NFAT5: variants seen among roughly 807,000 people sequenced by gnomAD.
NFAT5 encodes nuclear factor of activated T-cells 5.
A neutral mutation model predicts 166.5 loss-of-function variants in NFAT5; 31 were observed. The ratio of observed to expected loss-of-function variants is 0.19; its 90% CI spans 0.14 to 0.25. The LOEUF (loss-of-function observed/expected upper bound fraction) is 0.25. Among genes scored for constraint, NFAT5 ranks in the 10% least tolerant of loss-of-function variants. NFAT5 has a pLI of 1.00. For missense variants in NFAT5, 1,449 were observed against 1,821.8 expected, an observed-to-expected ratio of 0.80 and a Z score of 3.72; for synonymous variants, 612 against 639.7, an observed-to-expected ratio of 0.96 and a Z score of 0.65.
chr16:69,595,575 G>C (rs1322420258), intron 2 of NFAT5, among the ~76,000 whole-genome samples: 1 of 152,172 alleles, frequency 6.6e-6, no homozygotes, highest in Non-Finnish European at 1.5e-5. Context: ...AACTTTTGCT[G>C]TTTGAGGTGT....
intron 7 of NFAT5, among the ~76,000 whole-genome samples, chr16:69,663,840 G>T (rs1318932553): frequency 6.6e-6 from 1 of 152,054 alleles, no homozygotes; most frequent in Non-Finnish European, 1.5e-5. Flanking sequence ...TGGCACCACT[G>T]CACTCCAGCC....
intron 7 of NFAT5, 103 bp downstream of exon 7, chr16:69,660,002 T>C (rs2036054271): frequency 1.0e-6 from 1 of 1,002,178 alleles, no homozygotes; most frequent in Non-Finnish European, 1.4e-6. Context: ...TGCTCCGGCT[T>C]GTGATCATGC....
rs1196278582 is a variant in NFAT5 at position 69,566,705 on chromosome 16, C to G, written c.73+331C>G. Among the ~76,000 whole-genome samples the G allele has an allele frequency of 6.6e-6, 1 of 152,086 alleles. No homozygotes were observed. Among genetic ancestry groups the G allele is most frequent in the South Asian group, 2.1e-4 (1 of 4,828 alleles). On this transcript the variant is annotated intron_variant, in intron 1 of 14. Coordinates refer to ENST00000349945, the MANE Select transcript of NFAT5 (RefSeq NM_138713.4). This position sits in a 1 kb window ranked among gnomAD's most constrained non-coding sequence, Gnocchi z 5.7. ...CCGCGAGCCGCCGGCCCCGGCCTCCCGGGCTCGGGGATGGCCCCAGACTGG... is the reference window on the plus strand; with the variant it reads ...CCGCGAGCCGCCGGCCCCGGCCTCCGGGGCTCGGGGATGGCCCCAGACTGG...
intron 1 of NFAT5, 149 bp from the exon 2 acceptor site, chr16:69,568,346 A>ATTTGTGTGTG: frequency 5.8e-6 from 1 of 172,500 alleles, no homozygotes; most frequent in Non-Finnish European, 1.1e-5. Flanking sequence ...ATATATATAT[A>ATTTGTGTGTG]TGTGTGTGTG....
At position 69,573,387 on chromosome 16, in the gene NFAT5, T is replaced by A. The variant is rs1030137937; in HGVS notation, c.127+4839T>A. Among the ~76,000 whole-genome samples, 11 of 152,304 alleles carry A rather than the reference T, an allele frequency of 7.2e-5. 1 individual carries two copies. The highest frequency in any genetic ancestry group is 2.6e-4 in the African/African-American group (11 of 41,570). Reference sequence around the variant, plus strand: ...ATTTCTTCCTAGGGCCCTTGTTATATCATAGATCATAAATGCCTATAATAT... The same window carrying A: ...ATTTCTTCCTAGGGCCCTTGTTATAACATAGATCATAAATGCCTATAATAT... On this transcript the variant is annotated intron_variant, in intron 2 of 14. Coordinates refer to ENST00000349945, the MANE Select transcript of NFAT5 (RefSeq NM_138713.4).
At position 69,614,753 on chromosome 16, in the gene NFAT5, A is replaced by G. The variant is rs182369757; in HGVS notation, c.128-11650A>G. ...TTGGGTTTTGCAAATTGTCCCAGTA[A>G]TTTCCTGTATAGCAAAAGGATCCAG... On this transcript the variant is annotated intron_variant, in intron 2 of 14. Coordinates refer to ENST00000349945, the MANE Select transcript of NFAT5 (RefSeq NM_138713.4). Among the ~76,000 whole-genome samples the G allele has an allele frequency of 2.2e-3, 338 of 152,202 alleles. 2 individuals carry two copies. Among genetic ancestry groups the G allele is most frequent in the South Asian group, 5.8e-3 (28 of 4,826 alleles).
chr16:69,631,468 CT>C (rs1289222512), intron 3 of NFAT5, among the ~76,000 whole-genome samples: 7 of 151,946 alleles, frequency 4.6e-5, no homozygotes, highest in Admixed American at 4.6e-4. Context: ...ATGAATTAAA[CT>C]ATAGGTTTTA....
chr16:69,598,403 G>C (rs1016070675), intron 2 of NFAT5, among the ~76,000 whole-genome samples: 1 of 139,656 alleles, frequency 7.2e-6, no homozygotes, highest in African/African-American at 2.7e-5. Flanking sequence ...AAAAAAAAAA[G>C]ATATTTGGGA....
At chr16:69,588,963 C>G (rs185778188) in intron 2 of NFAT5, among the ~76,000 whole-genome samples, 316 of 146,324 alleles carry the variant, frequency 2.2e-3, no homozygotes, top group Middle Eastern at 0.015. Flanking sequence ...TGGACCCTCC[C>G]TCCTCTTTTC....
At chr16:69,694,548 C>T (rs773898320) in intron 13 of NFAT5, among the ~76,000 whole-genome samples, 3 of 152,206 alleles carry the variant, frequency 2.0e-5, no homozygotes, top group Non-Finnish European at 2.9e-5. Flanking sequence ...AGCCACCACA[C>T]CTGTCCTGTA....
chr16:69,626,306 C>T, intron 2 of NFAT5, 97 bp from the exon 3 acceptor site: 1 of 1,129,136 alleles, frequency 8.9e-7, no homozygotes, highest in African/African-American at 1.6e-5. Flanking sequence ...ATACAGTTCT[C>T]CTCATGAGAG....
chr16:69,671,332 A>C (rs993880537), intron 9 of NFAT5, among the ~76,000 whole-genome samples: 8 of 152,048 alleles, frequency 5.3e-5, no homozygotes, highest in Non-Finnish European at 1.5e-5. Flanking sequence ...GGGAAGTGCT[A>C]TACTTAGTGC....
intron 4 of NFAT5, chr16:69,648,320 C>G: frequency 1.0e-6 from 1 of 983,936 alleles, no homozygotes; most frequent in Non-Finnish European, 1.2e-6. Context: ...GGATTTTAGA[C>G]TTAATTTTTT....
chr16:69,616,132 C>T (rs538145417), intron 2 of NFAT5, among the ~76,000 whole-genome samples: 1 of 152,226 alleles, frequency 6.6e-6, no homozygotes, highest in South Asian at 2.1e-4. Flanking sequence ...CGGAAATGCC[C>T]TCTTTAGTCA....
rs757903159 is a variant in NFAT5, at chr16:69,691,989, C to T, written c.2164C>T (p.Leu722=). 1.3e-4 allele frequency: 213 copies of T among 1,614,036 alleles called. No individual in the cohort carries two copies. Among genetic ancestry groups the T allele is most frequent in the Admixed American group, 2.5e-4 (15 of 59,996 alleles). The part of the protein sequence containing the change: ...ASSQLPNSDA[L]LQQATQFQTR... ...TAGTCAGCTGCCCAACAGCGATGCA[C>T]TATTGCAGCAGGCTACACAGTTTCA... Residue 722 remains leucine, a synonymous_variant, in exon 13 of 15, where the codon CTA becomes TTA. Transcript: ENST00000349945.
intron 14 of NFAT5, chr16:69,695,614 T>TG: frequency 2.7e-6 from 1 of 375,710 alleles, no homozygotes; most frequent in Non-Finnish European, 4.8e-6. Context: ...GAGACCAAGG[T>TG]GGGCGGATCA....
chr16:69,681,931 A>G (rs185989921), intron 10 of NFAT5, among the ~76,000 whole-genome samples: 168 of 151,444 alleles, frequency 1.1e-3, no homozygotes, highest in Middle Eastern at 6.8e-3. Flanking sequence ...AAAAAAAAAA[A>G]AAAGAAAGAA....
Position 69,682,580 on chromosome 16 carries a change from A to G in NFAT5, c.1691-2307A>G, listed in dbSNP as rs537635526. On this transcript the variant is annotated intron_variant, in intron 10 of 14. Transcript: ENST00000349945. ...GCTCCAGTAAGCCGTGATCATGCCA[A>G]TGTACTCCAGCCTGGACAACAGAGC... Among the ~76,000 whole-genome samples, 5 of 152,174 alleles carry G rather than the reference A, an allele frequency of 3.3e-5. No homozygotes were observed. In the East Asian group the frequency reaches 5.8e-4, roughly 18 times the overall value.
At chr16:69,626,152 T>G (rs1372881924) in intron 2 of NFAT5, among the ~76,000 whole-genome samples, 5 of 151,132 alleles carry the variant, frequency 3.3e-5, no homozygotes, top group Admixed American at 3.3e-4. Flanking sequence ...TGGGGGTCAC[T>G]GTGTTGCCCA....
Sources: gnomAD v4.1 joint callset for allele counts (sites outside exome capture counted in the v4.1 genomes callset) on GRCh38, gnomAD v4.1.1 for gene constraint, Gnocchi (gnomAD v3.1) non-coding constraint, MANE v1.5 for transcripts, NCBI Gene and HGNC (gene_info 2026-07-23, HGNC 2026-07-21) for gene names.